The following CFAP44 variants were observed in gnomAD, a reference collection of about 807,000 sequenced individuals.
The protein encoded by CFAP44 is cilia and flagella associated protein 44.
A neutral mutation model predicts 216.2 loss-of-function variants in CFAP44; 134 were observed. The observed-to-expected ratio is 0.62, with a 90% CI of 0.54 to 0.72. The LOEUF (loss-of-function observed/expected upper bound fraction) is 0.72. CFAP44 is among the 30% of genes least tolerant of loss of function. The pLI is 0.00. For synonymous variants in CFAP44, 700 were observed against 727.6 expected (o/e 0.96, Z 0.61); for missense variants, 2,035 against 2,182.1 (o/e 0.93, Z 1.34).
At chr3:113,336,211 TA>T (rs1950280789) in intron 24 of CFAP44, among the ~76,000 whole-genome samples, 1 of 152,022 alleles carries the variant, frequency 6.6e-6, no homozygotes, top group Middle Eastern at 3.4e-3. Flanking sequence ...GAAGAAATTA[TA>T]AAAATAATAG....
intron 8 of CFAP44, among the ~76,000 whole-genome samples, chr3:113,405,900 A>T (rs1934262743): frequency 6.6e-6 from 1 of 152,196 alleles, no homozygotes; most frequent in African/African-American, 2.4e-5. Flanking sequence ...CCAGCATCCA[A>T]GGCTTTTTAC....
chr3:113,326,418 G>T, intron 28 of CFAP44, 27 bp downstream of exon 28: 1 of 1,466,850 alleles, frequency 6.8e-7, no homozygotes, highest in Non-Finnish European at 8.9e-7. Flanking sequence ...GAGAAAATAA[G>T]ATCATATGCA....
intron 29 of CFAP44, among the ~76,000 whole-genome samples, chr3:113,306,678 T>C (rs1160269538): frequency 6.6e-6 from 1 of 152,206 alleles, no homozygotes; most frequent in Non-Finnish European, 1.5e-5. Context: ...ACATAACCAG[T>C]ACATAACAGA....
At chr3:113,391,545 G>A (rs553943188) in intron 15 of CFAP44, among the ~76,000 whole-genome samples, 80 of 152,228 alleles carry the variant, frequency 5.3e-4, no homozygotes, top group African/African-American at 1.7e-3. Flanking sequence ...CATCAATAAA[G>A]TGAAGAGAAT....
At chr3:113,371,564 T>C (rs1353999512) in intron 18 of CFAP44, among the ~76,000 whole-genome samples, 1 of 152,142 alleles carries the variant, frequency 6.6e-6, no homozygotes, top group African/African-American at 2.4e-5. Flanking sequence ...CCTTACACCA[T>C]ATACAAAAAG....
intron 15 of CFAP44, among the ~76,000 whole-genome samples, chr3:113,387,597 A>G (rs1933683830): frequency 6.6e-6 from 1 of 152,092 alleles, no homozygotes; most frequent in Non-Finnish European, 1.5e-5. Context: ...GCTGGTTTTA[A>G]GTATGACCCA....
chr3:113,394,054 G>A (rs1933923082), intron 15 of CFAP44, among the ~76,000 whole-genome samples: 1 of 152,138 alleles, frequency 6.6e-6, no homozygotes, highest in Non-Finnish European at 1.5e-5. Flanking sequence ...TTTGAAATAA[G>A]TATAGATTTA....
chr3:113,429,284 GA>G (rs1935041350), intron 2 of CFAP44, among the ~76,000 whole-genome samples: 1 of 152,046 alleles, frequency 6.6e-6, no homozygotes, highest in Non-Finnish European at 1.5e-5. Context: ...TGTGTATTAT[GA>G]TGCTGTTACT....
intron 6 of CFAP44, among the ~76,000 whole-genome samples, chr3:113,414,984 C>A (rs117926314): frequency 6.8e-6 from 1 of 146,556 alleles, no homozygotes; most frequent in African/African-American, 2.4e-5. Context: ...GTGAATCTAT[C>A]TGGTCCTGGA....
chr3:113,307,525 TTC>T (rs1167056876), intron 29 of CFAP44, among the ~76,000 whole-genome samples: 1 of 152,184 alleles, frequency 6.6e-6, no homozygotes, highest in African/African-American at 2.4e-5. Context: ...CCTTCTAAGA[TTC>T]TGTTTAATTG....
chr3:113,362,675 A>G (rs1008746417), intron 21 of CFAP44, among the ~76,000 whole-genome samples: 6 of 152,076 alleles, frequency 3.9e-5, no homozygotes, highest in Admixed American at 6.6e-5. Context: ...CAAATCACAC[A>G]CTTGCCATCA....
chr3:113,381,446 G>A (rs1933508641), intron 15 of CFAP44, among the ~76,000 whole-genome samples: 1 of 152,170 alleles, frequency 6.6e-6, no homozygotes, highest in Non-Finnish European at 1.5e-5. Flanking sequence ...CTGCGTGTGT[G>A]GATGGCGTAG....
chr3:113,309,790 G>A (rs933513944), intron 28 of CFAP44, among the ~76,000 whole-genome samples: 12 of 152,294 alleles, frequency 7.9e-5, no homozygotes, highest in Non-Finnish European at 1.5e-4. Context: ...ACACTGTGGC[G>A]AGTTCCTTGG....
chr3:113,378,332 C>G (rs149938527), intron 17 of CFAP44, among the ~76,000 whole-genome samples: 2 of 152,262 alleles, frequency 1.3e-5, no homozygotes, highest in East Asian at 3.9e-4. Context: ...TTTTATAAAA[C>G]ACAGACGACA....
At chr3:113,333,650 A>G (rs1040782484) in intron 24 of CFAP44, 67 bp from the exon 25 acceptor site, 1 of 1,361,842 alleles carries the variant, frequency 7.3e-7, no homozygotes, top group Non-Finnish European at 9.5e-7. Context: ...GTCTACTTTA[A>G]TATAGGCATA....
chr3:113,367,839 G>GA (rs530315055), intron 18 of CFAP44, among the ~76,000 whole-genome samples: 2,113 of 151,958 alleles, frequency 0.014, 49 homozygotes, highest in African/African-American at 0.048. Flanking sequence ...TAAAAACCTT[G>GA]AAAAAAAGGT....
intron 22 of CFAP44, among the ~76,000 whole-genome samples, chr3:113,354,830 A>T (rs760786680): frequency 1.1e-4 from 16 of 152,176 alleles, no homozygotes; most frequent in Non-Finnish European, 2.2e-4. Flanking sequence ...ACAGGACCAC[A>T]GCTGATGGGC....
At chr3:113,393,027 G>A (rs1200252066) in intron 15 of CFAP44, among the ~76,000 whole-genome samples, 2 of 152,086 alleles carry the variant, frequency 1.3e-5, no homozygotes, top group Non-Finnish European at 2.9e-5. Flanking sequence ...AGTAGCCATG[G>A]CAGACAGAAT....
intron 34 of CFAP44, among the ~76,000 whole-genome samples, chr3:113,292,122 T>C (rs1392068883): frequency 1.3e-5 from 2 of 152,216 alleles, no homozygotes; most frequent in Non-Finnish European, 2.9e-5. Context: ...GTTATTTCCC[T>C]GTCCAGCTGA....
Sources: gnomAD v4.1 joint callset for allele counts (sites outside exome capture counted in the v4.1 genomes callset) on GRCh38, gnomAD v4.1.1 for gene constraint, MANE v1.5 for transcripts, NCBI Gene and HGNC (gene_info 2026-07-23, HGNC 2026-07-21) for gene names.